ME1: variants seen among roughly 807,000 people sequenced by gnomAD.
ME1 encodes NADP-dependent malic enzyme.
In ME1, 74 loss-of-function variants were observed where a neutral mutation model predicts 66.4. The ratio of observed to expected loss-of-function variants is 1.11; its 90% CI spans 0.92 to 1.35. The LOEUF (loss-of-function observed/expected upper bound fraction) is 1.35, where lower values mean the gene tolerates loss of function less well. Among genes scored for constraint, ME1 ranks in the 40% most tolerant of loss-of-function variants. The pLI is 0.00. For synonymous variants in ME1, 251 were observed against 235.6 expected (o/e 1.07, Z -0.60); for missense variants, 750 against 694.1 (o/e 1.08, Z -0.90).
At chr6:83,358,720 C>A (rs1342723577) in intron 3 of ME1, among the ~76,000 whole-genome samples, 1 of 152,162 alleles carries the variant, frequency 6.6e-6, no homozygotes, top group Non-Finnish European at 1.5e-5. Context: ...CCAGAAGGAA[C>A]AGCTTCCCCA....
intron 3 of ME1, among the ~76,000 whole-genome samples, chr6:83,367,108 C>A (rs182252176): frequency 6.6e-6 from 1 of 152,156 alleles, no homozygotes; most frequent in African/African-American, 2.4e-5. Context: ...TCCATCAGAG[C>A]TCTTATGTGA....
At chr6:83,290,818 A>C (rs1449441617) in intron 6 of ME1, among the ~76,000 whole-genome samples, 2 of 152,174 alleles carry the variant, frequency 1.3e-5, no homozygotes, top group Non-Finnish European at 2.9e-5. Context: ...TATTGGGTGC[A>C]TATATATTTA....
At chr6:83,363,994 A>AG (rs1375817967) in intron 3 of ME1, among the ~76,000 whole-genome samples, 2 of 152,178 alleles carry the variant, frequency 1.3e-5, no homozygotes, top group Non-Finnish European at 1.5e-5. Flanking sequence ...CAAGTTGACA[A>AG]GGGGTGGACT....
At chr6:83,221,845 G>C (rs539583147) in intron 12 of ME1, among the ~76,000 whole-genome samples, 3 of 152,148 alleles carry the variant, frequency 2.0e-5, no homozygotes, top group Non-Finnish European at 4.4e-5. Flanking sequence ...AAAATAATGA[G>C]TGGGACATAA....
chr6:83,327,854 G>A (rs942593210), intron 5 of ME1, among the ~76,000 whole-genome samples: 2 of 152,032 alleles, frequency 1.3e-5, no homozygotes, highest in Non-Finnish European at 2.9e-5. Flanking sequence ...AACATGTGAT[G>A]TCTCCCCCGG....
intron 11 of ME1, among the ~76,000 whole-genome samples, chr6:83,224,889 T>C (rs1023514008): frequency 6.6e-6 from 1 of 151,848 alleles, no homozygotes; most frequent in Non-Finnish European, 1.5e-5. Flanking sequence ...AGGAATCTCA[T>C]GTACTGCTTG....
rs139992506 is a variant in ME1, at chr6:83,324,886, T to C, written c.601-9473A>G. ...TTTTATCACATCAGCATCATCCTGA[T>C]ACCAAAACCTGGCAGAGACACAACA... On this transcript the variant is annotated intron_variant, in intron 5 of 13. Transcript: ENST00000369705. 1.2e-4 allele frequency among the ~76,000 whole-genome samples: 19 copies of C among 152,278 alleles called. No homozygotes were observed. The East Asian group carries it at 3.5e-3, about 28-fold the overall frequency.
intron 3 of ME1, among the ~76,000 whole-genome samples, chr6:83,369,694 A>AGGAAGGAAGGAC (rs1769161216): frequency 1.3e-5 from 2 of 151,238 alleles, no homozygotes; most frequent in African/African-American, 2.4e-5. Flanking sequence ...GAAGGAAGGA[A>AGGAAGGAAGGAC]GGAAGGAAGG....
intron 3 of ME1, among the ~76,000 whole-genome samples, chr6:83,397,990 G>A (rs1016045657): frequency 2.0e-5 from 3 of 152,006 alleles, no homozygotes; most frequent in African/African-American, 4.8e-5. Flanking sequence ...TAGGGGGAGC[G>A]GGTTGCGGGA....
intron 11 of ME1, among the ~76,000 whole-genome samples, chr6:83,224,558 C>T (rs1790149748): frequency 6.6e-6 from 1 of 151,006 alleles, no homozygotes; most frequent in African/African-American, 2.4e-5. Flanking sequence ...GTGGTGGGTG[C>T]CTGTAAGCCC....
chr6:83,357,882 G>A (rs998214645), intron 3 of ME1, among the ~76,000 whole-genome samples: 5 of 122,868 alleles, frequency 4.1e-5, no homozygotes, highest in Non-Finnish European at 8.1e-5. Context: ...GATCATGTTA[G>A]TTAATACTTA....
chr6:83,414,145 T>C (rs983928795), intron 1 of ME1, among the ~76,000 whole-genome samples: 5 of 150,876 alleles, frequency 3.3e-5, no homozygotes, highest in Non-Finnish European at 7.4e-5. Context: ...AAAAAATTTA[T>C]TTTTATGGTG....
At chr6:83,235,493 T>C (rs1328808158) in intron 9 of ME1, among the ~76,000 whole-genome samples, 83 of 130,996 alleles carry the variant, frequency 6.3e-4, no homozygotes, top group African/African-American at 2.4e-3. Flanking sequence ...TTTTTTGAGA[T>C]GGAGTCTCGC....
chr6:83,229,182 T>G (rs2128524122), intron 9 of ME1: 1 of 534,378 alleles, frequency 1.9e-6, no homozygotes, highest in African/African-American at 1.9e-5. Context: ...TAATTGATAT[T>G]AAAAATCCTA....
At chr6:83,274,382 A>T (rs1767138258) in intron 6 of ME1, among the ~76,000 whole-genome samples, 1 of 152,208 alleles carries the variant, frequency 6.6e-6, no homozygotes, top group Admixed American at 6.5e-5. Flanking sequence ...ACATTAAAAA[A>T]AATTGAAGGA....
intron 3 of ME1, among the ~76,000 whole-genome samples, chr6:83,361,824 A>T (rs571484428): frequency 6.6e-6 from 1 of 152,180 alleles, no homozygotes; most frequent in Non-Finnish European, 1.5e-5. Context: ...GCAGCATTCC[A>T]TCATCAAATG....
intron 3 of ME1, among the ~76,000 whole-genome samples, chr6:83,354,979 C>T (rs1012301258): frequency 2.6e-5 from 4 of 152,174 alleles, no homozygotes; most frequent in African/African-American, 9.6e-5. Flanking sequence ...TTACTGATGA[C>T]TGTCTGACTC....
At chr6:83,403,485 AT>A (rs1472378245) in intron 2 of ME1, among the ~76,000 whole-genome samples, 1 of 151,898 alleles carries the variant, frequency 6.6e-6, no homozygotes, top group East Asian at 1.9e-4. Context: ...GGCCTCTTTT[AT>A]TTTTTTATTT....
intron 5 of ME1, among the ~76,000 whole-genome samples, chr6:83,329,491 C>T (rs1433855620): frequency 1.3e-5 from 2 of 152,104 alleles, no homozygotes; most frequent in African/African-American, 2.4e-5. Flanking sequence ...ATAAGTATGT[C>T]TATTTTGTTG....
Sources: gnomAD v4.1 joint callset for allele counts (sites outside exome capture counted in the v4.1 genomes callset) on GRCh38, gnomAD v4.1.1 for gene constraint, MANE v1.5 for transcripts, NCBI Gene and HGNC (gene_info 2026-07-23, HGNC 2026-07-21) for gene names.